The following C8orf34 variants were observed in gnomAD, a reference collection of about 807,000 sequenced individuals.
C8orf34 encodes uncharacterized protein C8orf34.
C8orf34 carries 65 observed loss-of-function variants against 68.3 expected under a neutral mutation model. The ratio of observed to expected loss-of-function variants is 0.95; its 90% CI spans 0.78 to 1.17. The LOEUF (loss-of-function observed/expected upper bound fraction) is 1.17, where lower values mean the gene tolerates loss of function less well. Among genes scored for constraint, C8orf34 ranks in the 50% most tolerant of loss-of-function variants. The pLI, the probability that C8orf34 is intolerant of heterozygous loss-of-function variation, is 0.00. For missense variants in C8orf34, 664 were observed against 655.4 expected (o/e 1.01, Z -0.14); for synonymous variants, 244 against 241.2 (o/e 1.01, Z -0.11).
chr8:68,517,960 CTG>C (rs1358975167), intron 5 of C8orf34, among the ~76,000 whole-genome samples: 5 of 152,172 alleles, frequency 3.3e-5, no homozygotes, highest in African/African-American at 1.2e-4. Context: ...TGTCAATTCC[CTG>C]TTCTGTTTCT....
At chr8:68,715,156 C>G (rs757153849) in intron 9 of C8orf34, among the ~76,000 whole-genome samples, 2 of 152,074 alleles carry the variant, frequency 1.3e-5, no homozygotes, top group African/African-American at 4.8e-5. Flanking sequence ...AATCTAAGAC[C>G]TGAAACCATA....
rs914843378 is a variant in C8orf34 at position 68,482,872 on chromosome 8, A to G, written c.737-5151A>G. On this transcript the variant is annotated intron_variant, in intron 4 of 13. Coordinates refer to ENST00000518698, the MANE Select transcript of C8orf34 (RefSeq NM_052958.4). Reference sequence around the variant, plus strand: ...GGGCCAGCTCTAGCATAAAACTAATATTTCCAAGTTATATGCTCTATTTTT... The same window carrying G: ...GGGCCAGCTCTAGCATAAAACTAATGTTTCCAAGTTATATGCTCTATTTTT... Among the ~76,000 whole-genome samples, 33 of 152,176 alleles carry G rather than the reference A, an allele frequency of 2.2e-4. 1 individual carries two copies. Among genetic ancestry groups the G allele is most frequent in the Admixed American group, 2.0e-3 (31 of 15,274 alleles).
At chr8:68,413,508 A>G (rs1474813602) in intron 1 of C8orf34, among the ~76,000 whole-genome samples, 1 of 152,192 alleles carries the variant, frequency 6.6e-6, no homozygotes, top group East Asian at 1.9e-4. Context: ...TCTCTCATCT[A>G]TCTGGCTACT....
intron 7 of C8orf34, chr8:68,533,383 C>G: frequency 8.2e-7 from 1 of 1,216,670 alleles, no homozygotes; most frequent in Middle Eastern, 3.3e-4. Context: ...GTATGCTGCA[C>G]TTTACCTTCT....
intron 1 of C8orf34, among the ~76,000 whole-genome samples, chr8:68,407,723 C>T (rs1270600111): frequency 6.6e-6 from 1 of 152,134 alleles, no homozygotes; most frequent in African/African-American, 2.4e-5. Flanking sequence ...ATCTCACTAA[C>T]ATTTCTCTTA....
chr8:68,345,593 A>T (rs899286980), intron 1 of C8orf34, among the ~76,000 whole-genome samples: 2 of 152,014 alleles, frequency 1.3e-5, no homozygotes, highest in African/African-American at 4.8e-5. Context: ...AATTTAAAAT[A>T]TTCCTTTCAG....
At chr8:68,353,637 T>TATTATATA (rs772318251) in intron 1 of C8orf34, among the ~76,000 whole-genome samples, 1 of 143,094 alleles carries the variant, frequency 7.0e-6, no homozygotes, top group Non-Finnish European at 1.5e-5. Flanking sequence ...TATATATATA[T>TATTATATA]TATATATATA....
At chr8:68,613,346 G>C (rs1342905786) in intron 7 of C8orf34, among the ~76,000 whole-genome samples, 2 of 143,654 alleles carry the variant, frequency 1.4e-5, no homozygotes, top group African/African-American at 5.9e-5. Flanking sequence ...ACAATGTGCA[G>C]GTTAGTTACA....
At chr8:68,784,501 A>T (rs185362094) in intron 11 of C8orf34, among the ~76,000 whole-genome samples, 1 of 152,162 alleles carries the variant, frequency 6.6e-6, no homozygotes, top group African/African-American at 2.4e-5. Flanking sequence ...AGGTCACTAA[A>T]CACAGCCCAC....
Position 68,330,966 on chromosome 8 carries a change from C to A in C8orf34, c.-47C>A. On this transcript the variant is annotated 5_prime_UTR_variant, in exon 1 of 14. Coordinates refer to ENST00000518698, the MANE Select transcript of C8orf34 (RefSeq NM_052958.4). ...CCTCGAATTTCCCCACTGCGCCGGG[C>A]GCTGCGGAGAGCGGCGAGGGTGGGC... 7.6e-7 allele frequency: 1 copy of A among 1,317,382 alleles called. No homozygotes were observed. Among genetic ancestry groups the A allele is most frequent in the Non-Finnish European group, 9.8e-7 (1 of 1,022,004 alleles). The allele number at this position is 1,317,382 out of a possible 1,614,324, so 81.6% of individuals were successfully genotyped here.
At chr8:68,675,984 C>G (rs1820177256) in intron 8 of C8orf34, among the ~76,000 whole-genome samples, 1 of 152,046 alleles carries the variant, frequency 6.6e-6, no homozygotes, top group Non-Finnish European at 1.5e-5. Flanking sequence ...TAAAAAGAGA[C>G]AAAGATGATT....
chr8:68,582,701 C>T (rs921931605), intron 7 of C8orf34, among the ~76,000 whole-genome samples: 1 of 151,834 alleles, frequency 6.6e-6, no homozygotes, highest in Non-Finnish European at 1.5e-5. Context: ...GTTTTTTGAG[C>T]TCCAATACTC....
intron 3 of C8orf34, among the ~76,000 whole-genome samples, chr8:68,462,683 GAATGACTACTGGGTACATAACAA>G (rs1811900023): frequency 6.6e-6 from 1 of 152,022 alleles, no homozygotes; most frequent in African/African-American, 2.4e-5. Context: ...ACCTGCTCCT[GAATGACTACTGGGTACATAACAA>G]AATGAAGGCA....
At chr8:68,722,093 C>A (rs1185891133) in intron 10 of C8orf34, among the ~76,000 whole-genome samples, 2 of 151,978 alleles carry the variant, frequency 1.3e-5, no homozygotes, top group Admixed American at 1.3e-4. Flanking sequence ...GCTTAAATAA[C>A]AAAAAGTTAT....
chr8:68,718,001 T>C (rs768486331), intron 9 of C8orf34, among the ~76,000 whole-genome samples: 1 of 152,204 alleles, frequency 6.6e-6, no homozygotes, highest in Non-Finnish European at 1.5e-5. Context: ...TGGTTTCTGC[T>C]CATAGATATT....
chr8:68,417,702 C>T (rs2129623049), intron 1 of C8orf34, among the ~76,000 whole-genome samples: 1 of 152,164 alleles, frequency 6.6e-6, no homozygotes, highest in African/African-American at 2.4e-5. Context: ...AAGAAAATAT[C>T]TGTTCAGTTT....
chr8:68,419,583 G>A (rs1809851034), intron 1 of C8orf34, among the ~76,000 whole-genome samples: 2 of 151,664 alleles, frequency 1.3e-5, no homozygotes, highest in Admixed American at 6.6e-5. Context: ...CAACCCAAAT[G>A]TCCAACAATG....
Position 68,331,016 on chromosome 8 carries a change from A to G in C8orf34, c.4A>G (p.Ser2Gly). The part of the protein sequence containing the change: M[S>G]SPLASELSEL... ...CGCGAGGCGGAGAACGCGATGAATG[A>G]GTTCTCCCCTCGCCTCGGAGTTGTC... is the stretch of plus-strand genomic sequence containing the variant. Residue 2 changes from serine (S) to glycine (G), a missense_variant, in exon 1 of 14, where the codon AGT (serine) becomes GGT (glycine). Transcript: ENST00000518698. The G allele has an allele frequency of 7.0e-7, 1 of 1,428,028 alleles. No individual in the cohort carries two copies. The allele number at this position is 1,428,028 out of a possible 1,614,324, so 88.5% of individuals were successfully genotyped here. A position where few individuals can be genotyped will look rare whatever the true frequency, so the allele number is the denominator to read the frequency against.
At chr8:68,747,363 T>C (rs1328507075) in intron 10 of C8orf34, among the ~76,000 whole-genome samples, 4 of 150,780 alleles carry the variant, frequency 2.7e-5, no homozygotes, top group Non-Finnish European at 5.9e-5. Flanking sequence ...CTATTCAACA[T>C]AGTGTTGGAA....
Sources: gnomAD v4.1 joint callset for allele counts (sites outside exome capture counted in the v4.1 genomes callset) on GRCh38, gnomAD v4.1.1 for gene constraint, MANE v1.5 for transcripts, NCBI Gene and HGNC (gene_info 2026-07-23, HGNC 2026-07-21) for gene names.